SCAF8: variants seen among roughly 807,000 people sequenced by gnomAD.
SCAF8 encodes SR-related and CTD-associated factor 8.
In SCAF8, 23 loss-of-function variants were observed where a neutral mutation model predicts 140.5. The ratio of observed to expected loss-of-function variants is 0.16; its 90% CI spans 0.12 to 0.23. The LOEUF is 0.23. Among genes scored for constraint, SCAF8 ranks in the 10% least tolerant of loss-of-function variants. The probability of loss-of-function intolerance (pLI) is 1.00; values close to 1 mark genes in which losing one functional copy is unlikely to be tolerated. For missense variants in SCAF8, 1,397 were observed against 1,555.7 expected (o/e 0.90, Z 1.72); for synonymous variants, 575 against 528.9 (o/e 1.09, Z -1.20).
At position 154,733,576 on chromosome 6, in the gene SCAF8, G is replaced by A; in HGVS notation, c.-325G>A. The A allele has an allele frequency of 7.8e-7, 1 of 1,281,226 alleles. No homozygotes were observed. The highest frequency in any genetic ancestry group is 9.8e-7 in the Non-Finnish European group (1 of 1,016,546). 79.4% of individuals were successfully genotyped at this position (1,281,226 alleles called of 1,614,324 possible). A position where few individuals can be genotyped will look rare whatever the true frequency, so the allele number is the denominator to read the frequency against. ...GTAGGGGAAGGGGCTAGAGGGAGGG[G>A]GACCGAAACGGAGCGGGGCAGAGAA... On this transcript the variant is annotated 5_prime_UTR_variant, in exon 1 of 20. Coordinates refer to ENST00000367178, the MANE Select transcript of SCAF8 (RefSeq NM_014892.5).
intron 16 of SCAF8, among the ~76,000 whole-genome samples, chr6:154,822,847 G>C (rs1261452747): frequency 6.6e-6 from 1 of 152,132 alleles, no homozygotes; most frequent in Non-Finnish European, 1.5e-5. Flanking sequence ...CTAGGTATCA[G>C]TGAAAAACCC....
At position 154,733,797 on chromosome 6, in the gene SCAF8, C is replaced by T; in HGVS notation, c.-104C>T. On this transcript the variant is annotated 5_prime_UTR_variant, in exon 1 of 20. Coordinates refer to ENST00000367178, the MANE Select transcript of SCAF8 (RefSeq NM_014892.5). ...GCAGCGGCCCGCTCTCCCGCCAGCG[C>T]CCCCTCCTCGCGGCCACGCAGCAGC... The T allele has an allele frequency of 1.4e-6, 2 of 1,417,552 alleles. No individual in the cohort carries two copies. Among genetic ancestry groups the T allele is most frequent in the Non-Finnish European group, 9.2e-7 (1 of 1,088,074 alleles). 87.8% of individuals were successfully genotyped at this position (1,417,552 alleles called of 1,614,324 possible). A position where few individuals can be genotyped will look rare whatever the true frequency, so the allele number is the denominator to read the frequency against.
rs752835054 is a variant in SCAF8 at position 154,832,951 on chromosome 6, G to T, written c.3372G>T (p.Arg1124=). 6.2e-7 allele frequency: 1 copy of T among 1,614,152 alleles called. No homozygotes were observed. The highest frequency in any genetic ancestry group is 1.7e-5 in the Admixed American group (1 of 60,012). The change falls in exon 20 of 20, where the codon CGG becomes CGT. Residue 1124 remains arginine, a synonymous_variant. Transcript: ENST00000367178. ...TACATGAAGAAAGAGGTAGATTTCG[G>T]TCTGGAAACTATCGATTTGATCCTA... The part of the protein sequence containing the change: ...KGLHEERGRF[R]SGNYRFDPRS...
chr6:154,823,380 G>A (rs542979986), intron 16 of SCAF8, among the ~76,000 whole-genome samples: 25 of 152,308 alleles, frequency 1.6e-4, no homozygotes, highest in Non-Finnish European at 2.9e-4. Flanking sequence ...TTAAAAGACA[G>A]TTGTAGCAAT....
chr6:154,770,417 C>CTCTG (rs1554259296), intron 1 of SCAF8, among the ~76,000 whole-genome samples: 1 of 101,872 alleles, frequency 9.8e-6, no homozygotes, highest in African/African-American at 4.3e-5. Flanking sequence ...CTCTCTCTCT[C>CTCTG]TCTCTCTAGT....
Position 154,822,407 on chromosome 6 carries a change from C to A in SCAF8, c.1924C>A (p.Gln642Lys). The stretch of plus-strand genomic sequence containing the variant: ...TTTCCCTCCTCCTGTTGCTATGTTG[C>A]AGGTTAGTGTTGAAGTGGGGTTTTT... ...EVFPPPVAML[Q>K]IPVAPAVPTV... The change falls in exon 16 of 20, where the codon CAG becomes AAG. Residue 642 changes from glutamine to lysine, a missense_variant and splice_region_variant. Coordinates refer to ENST00000367178, the MANE Select transcript of SCAF8 (RefSeq NM_014892.5). 1.2e-6 allele frequency: 2 copies of A among 1,606,768 alleles called. No individual in the cohort carries two copies. The highest frequency in any genetic ancestry group is 2.3e-5 in the South Asian group (2 of 88,726).
At chr6:154,747,965 A>G (rs1447739017) in intron 1 of SCAF8, among the ~76,000 whole-genome samples, 1 of 147,038 alleles carries the variant, frequency 6.8e-6, no homozygotes, top group Non-Finnish European at 1.5e-5. Context: ...GTTTTTCCTC[A>G]TTTAGTGCCA....
In SCAF8 at chr6:154,820,640, C is replaced by G. The variant is rs545874813; in HGVS notation, c.1792+307C>G. Among the ~76,000 whole-genome samples, 432 of 152,130 alleles carry G rather than the reference C, an allele frequency of 2.8e-3. 3 individuals are homozygous for G. The highest frequency in any genetic ancestry group is 0.01 in the African/African-American group (422 of 41,502). ...TTTTGAAACTAAATATTTCTAATTG[C>G]TTCAGTTTAAGTGGGAACTTGAGAA... On this transcript the variant is annotated intron_variant, in intron 15 of 19. Transcript: ENST00000367178.
intron 6 of SCAF8, among the ~76,000 whole-genome samples, chr6:154,798,465 C>G (rs1452198323): frequency 6.6e-6 from 1 of 151,336 alleles, no homozygotes; most frequent in Admixed American, 6.6e-5. Flanking sequence ...GCGATTTTTC[C>G]ATTTGCTCAT....
chr6:154,742,056 G>A (rs1478259824), intron 1 of SCAF8: 1 of 1,373,518 alleles, frequency 7.3e-7, no homozygotes, highest in East Asian at 2.5e-5. Flanking sequence ...AGGCCCTTTG[G>A]AATATGTTAG....
At chr6:154,770,653 G>T (rs1185793849) in intron 1 of SCAF8, among the ~76,000 whole-genome samples, 1 of 152,114 alleles carries the variant, frequency 6.6e-6, no homozygotes, top group Non-Finnish European at 1.5e-5. Flanking sequence ...GAACAGATGG[G>T]TGCCTTTATG....
At chr6:154,790,614 C>T (rs1218157685) in intron 4 of SCAF8, among the ~76,000 whole-genome samples, 1 of 146,514 alleles carries the variant, frequency 6.8e-6, no homozygotes, top group Non-Finnish European at 1.5e-5. Flanking sequence ...GGGTTCACGC[C>T]ATTCTCTTGC....
At chr6:154,741,963 C>T in intron 1 of SCAF8, 1 of 1,531,522 alleles carries the variant, frequency 6.5e-7, no homozygotes, top group Non-Finnish European at 8.7e-7. Flanking sequence ...CAGGATTGTG[C>T]CTCTACTCCT....
intron 12 of SCAF8, among the ~76,000 whole-genome samples, chr6:154,810,956 C>T (rs1778071926): frequency 6.6e-6 from 1 of 152,106 alleles, no homozygotes; most frequent in Admixed American, 6.5e-5. Flanking sequence ...CGTAAATTCC[C>T]TCTGCCAGGG....
At chr6:154,740,339 C>A (rs1778535963) in intron 1 of SCAF8, among the ~76,000 whole-genome samples, 4 of 152,172 alleles carry the variant, frequency 2.6e-5, no homozygotes, top group Admixed American at 2.0e-4. Context: ...ACAATTATGA[C>A]AGCCAAAAAT....
intron 1 of SCAF8, among the ~76,000 whole-genome samples, chr6:154,756,752 C>G (rs1163477502): frequency 6.6e-6 from 1 of 152,078 alleles, no homozygotes; most frequent in Non-Finnish European, 1.5e-5. Context: ...TTAAGCTGGG[C>G]GCGGTGGCTC....
chr6:154,820,254 A>G lies in SCAF8; in HGVS notation c.1713A>G (p.Ile571Met), dbSNP rs373191479. 94 of 1,611,906 alleles carry G rather than the reference A, an allele frequency of 5.8e-5. No homozygotes were observed. The highest frequency in any genetic ancestry group is 7.9e-5 in the Non-Finnish European group (93 of 1,179,168). The change falls in exon 15 of 20, where the codon ATA becomes ATG. Residue 571 changes from isoleucine (I) to methionine (M), a missense_variant. By Grantham distance (10) the Ile-to-Met change is conservative. Transcript: ENST00000367178. ...ATGTGGATCTTGGAGTTACATATAT[A>G]CCATGGGAAAAAGTTAAAGTGGATG... Reference protein sequence around the residue: ...FWDVDLGVTYIPWEKVKVDDL... With the variant: ...FWDVDLGVTYMPWEKVKVDDL...
At position 154,820,179 on chromosome 6, in the gene SCAF8, C is replaced by T. The variant is rs17552819; in HGVS notation, c.1638C>T (p.Ile546=). ...SYKIGSKVIK[I]AWALNKGVKT... Reference sequence around the variant, plus strand: ...TTTCCTCTTCCCATTTACAATAGATCGCTTGGGCTTTAAACAAAGGTGTAA... The same window carrying T: ...TTTCCTCTTCCCATTTACAATAGATTGCTTGGGCTTTAAACAAAGGTGTAA... The change falls in exon 15 of 20, where the codon ATC becomes ATT. Residue 546 remains isoleucine (I), a splice_region_variant and synonymous_variant. Coordinates refer to ENST00000367178, the MANE Select transcript of SCAF8 (RefSeq NM_014892.5). The T allele has an allele frequency of 0.038, 60,242 of 1,582,460 alleles. 1,439 individuals are homozygous for T. The highest frequency in any genetic ancestry group is 0.098 in the Admixed American group (4,966 of 50,546).
chr6:154,825,856 A>G (rs951163232), intron 17 of SCAF8, among the ~76,000 whole-genome samples: 2 of 152,018 alleles, frequency 1.3e-5, no homozygotes, highest in African/African-American at 4.8e-5. Flanking sequence ...ATATACGCAT[A>G]TTGATGAGAT....
Sources: allele counts gnomAD v4.1 joint callset (sites outside exome capture counted in the v4.1 genomes callset), GRCh38; gene constraint gnomAD v4.1.1; transcripts MANE v1.5; gene names NCBI Gene and HGNC (gene_info 2026-07-23, HGNC 2026-07-21).